SGSM3: variants seen among roughly 807,000 people sequenced by gnomAD.
SGSM3 encodes RUN and SH3 containing 3.
Under a neutral mutation model 100.5 loss-of-function variants are expected in SGSM3, and 96 were observed. That is an observed-to-expected ratio of 0.96 (90% CI 0.81 to 1.13). SGSM3 has a LOEUF of 1.13. Among genes scored for constraint, SGSM3 ranks in the 50% most tolerant of loss-of-function variants. SGSM3 has a pLI of 0.00. For synonymous variants in SGSM3, 483 were observed against 422.8 expected, an observed-to-expected ratio of 1.14 and a Z score of -1.75; for missense variants, 1,001 against 1,015.8, an observed-to-expected ratio of 0.99 and a Z score of 0.20.
At chr22:40,389,085 C>T (rs1377842899) in intron 1 of SGSM3, among the ~76,000 whole-genome samples, 1 of 152,034 alleles carries the variant, frequency 6.6e-6, no homozygotes, top group Non-Finnish European at 1.5e-5. Flanking sequence ...CCAGGAGTTC[C>T]AGGAGAGTGC....
At chr22:40,390,948 G>C (rs2049273321) in intron 1 of SGSM3, among the ~76,000 whole-genome samples, 1 of 152,262 alleles carries the variant, frequency 6.6e-6, no homozygotes, top group South Asian at 2.1e-4. Context: ...GTCAGGCACT[G>C]GGCTAGGTAC....
At chr22:40,403,445 G>A (rs1005816119) in intron 4 of SGSM3, among the ~76,000 whole-genome samples, 2 of 152,190 alleles carry the variant, frequency 1.3e-5, no homozygotes, top group Admixed American at 6.5e-5. Flanking sequence ...GGTCTCAGCT[G>A]CATGGAGTTC....
chr22:40,402,076 T>A, intron 3 of SGSM3, 63 bp from the exon 4 acceptor site: 1 of 1,300,412 alleles, frequency 7.7e-7, no homozygotes, highest in Admixed American at 1.7e-5. Context: ...GGGTGGCATC[T>A]TTCAGACCTG....
rs538442634 is a variant in SGSM3 at position 40,371,560 on chromosome 22, G to A, written c.-112+872G>A. On this transcript the variant is annotated intron_variant, in intron 1 of 21. Coordinates refer to ENST00000248929, the MANE Select transcript of SGSM3 (RefSeq NM_015705.6). ...GTTTTTGTGACAGGTTTGTGATTAG[G>A]TTTATAGGTACATATGTTTCCCGCT... Among the ~76,000 whole-genome samples, 7 of 152,250 alleles carry A rather than the reference G, an allele frequency of 4.6e-5. No homozygotes were observed. The South Asian group carries it at 1.2e-3, about 27-fold the overall frequency.
chr22:40,387,421 A>C, intron 1 of SGSM3: 1 of 382,666 alleles, frequency 2.6e-6, no homozygotes, highest in Non-Finnish European at 4.6e-6. Context: ...TAGTTTGTTG[A>C]CCTGTGTAGT....
chr22:40,375,280 T>A (rs9623170), intron 1 of SGSM3, among the ~76,000 whole-genome samples: 3 of 152,158 alleles, frequency 2.0e-5, no homozygotes, highest in Non-Finnish European at 4.4e-5. Flanking sequence ...GTAACTGATA[T>A]CAGAAATTAG....
intron 1 of SGSM3, among the ~76,000 whole-genome samples, chr22:40,393,361 G>A (rs1041901555): frequency 1.8e-4 from 27 of 152,278 alleles, no homozygotes; most frequent in African/African-American, 6.5e-4. Context: ...CAGGTGATCC[G>A]CCTGCCTTGG....
intron 1 of SGSM3, among the ~76,000 whole-genome samples, chr22:40,385,063 A>G (rs957599101): frequency 6.6e-6 from 1 of 152,224 alleles, no homozygotes; most frequent in Non-Finnish European, 1.5e-5. Context: ...AGAAAAAACA[A>G]TATGGTCTGT....
intron 1 of SGSM3, among the ~76,000 whole-genome samples, chr22:40,378,575 T>TA (rs1053152841): frequency 1.1e-4 from 17 of 150,048 alleles, no homozygotes; most frequent in African/African-American, 4.2e-4. Flanking sequence ...CTACCAAAAA[T>TA]ACAAAAAATT....
Position 40,409,827 on chromosome 22 carries a change from C to A in SGSM3, c.*68C>A. On this transcript the variant is annotated 3_prime_UTR_variant, in exon 22 of 22. Coordinates refer to ENST00000248929, the MANE Select transcript of SGSM3 (RefSeq NM_015705.6). ...GCCCAGGACCCCAAGCTGCAGAGCC[C>A]AGGGAAGAGCAGCTCCAGAGCCCTG... 1.3e-6 allele frequency: 2 copies of A among 1,551,740 alleles called. No individual in the cohort carries two copies. Among genetic ancestry groups the A allele is most frequent in the East Asian group, 4.5e-5 (2 of 44,110 alleles).
At chr22:40,402,093 C>A in intron 3 of SGSM3, 46 bp from the exon 4 acceptor site, 1 of 1,481,100 alleles carries the variant, frequency 6.8e-7, no homozygotes, top group East Asian at 2.3e-5. Context: ...CCTGAGGCCC[C>A]CAACTAGGGG....
intron 1 of SGSM3, among the ~76,000 whole-genome samples, chr22:40,397,216 C>T (rs1231617444): frequency 1.3e-5 from 2 of 152,108 alleles, no homozygotes; most frequent in Non-Finnish European, 2.9e-5. Flanking sequence ...TACTTATATA[C>T]ATTACATACA....
At chr22:40,382,158 T>C (rs1440905441) in intron 1 of SGSM3, among the ~76,000 whole-genome samples, 1 of 152,118 alleles carries the variant, frequency 6.6e-6, no homozygotes, top group Non-Finnish European at 1.5e-5. Context: ...AGTTTAGGAC[T>C]CATCAATCTG....
intron 1 of SGSM3, among the ~76,000 whole-genome samples, chr22:40,398,671 A>G (rs1170588026): frequency 7.1e-6 from 1 of 141,196 alleles, no homozygotes; most frequent in Non-Finnish European, 1.5e-5. Flanking sequence ...GCAATTTAAT[A>G]TGGTTCAACA....
Position 40,408,261 on chromosome 22 carries a change from C to T in SGSM3, c.1630-16C>T, listed in dbSNP as rs556500275. 1.1e-5 allele frequency: 17 copies of T among 1,612,782 alleles called. No individual in the cohort carries two copies. The African/African-American group carries it at 1.9e-4, about 18-fold the overall frequency. On this transcript the variant is annotated splice_polypyrimidine_tract_variant and intron_variant, in intron 15 of 21. Coordinates refer to ENST00000248929, the MANE Select transcript of SGSM3 (RefSeq NM_015705.6). ...GGCGTCAGGCAGGGCTTTCTCAGAC[C>T]CATCCCTCCCATCAGTACTCCATCG...
chr22:40,404,483 T>C (rs764930060), intron 5 of SGSM3, 28 bp downstream of exon 5: 2 of 1,608,686 alleles, frequency 1.2e-6, no homozygotes, highest in Non-Finnish European at 1.7e-6. Flanking sequence ...ACCCACAGGG[T>C]GTTGAGAGGG....
chr22:40,404,706 T>TG (rs774687285), intron 6 of SGSM3, 42 bp downstream of exon 6: 1 of 1,441,310 alleles, frequency 6.9e-7, no homozygotes, highest in African/African-American at 1.4e-5. Context: ...GGAGGCTGTG[T>TG]GGGCTCGCAG....
Position 40,409,474 on chromosome 22 carries a change from C to T in SGSM3, c.2121C>T (p.Cys707=), listed in dbSNP as rs1334884525. The T allele has an allele frequency of 6.3e-7, 1 of 1,581,090 alleles. No homozygotes were observed. The highest frequency in any genetic ancestry group is 8.6e-7 in the Non-Finnish European group (1 of 1,163,588). Residue 707 remains cysteine (C), a synonymous_variant, in exon 21 of 22, where the codon TGC becomes TGT. Transcript: ENST00000248929. ...CCTTCCTCACCTCTAGAGTCCTCTG[C>T]TGCTTTGCCTTCAGCCTCTCCCAGG... The part of the protein sequence containing the change: ...VQIKCELRVL[C]CFAFSLSQDW...
chr22:40,381,829 A>G (rs1310517609), intron 1 of SGSM3, among the ~76,000 whole-genome samples: 1 of 152,182 alleles, frequency 6.6e-6, no homozygotes, highest in Non-Finnish European at 1.5e-5. Flanking sequence ...GCATGGTGGT[A>G]TATGCCTTAG....
Sources: gnomAD v4.1 joint callset for allele counts (sites outside exome capture counted in the v4.1 genomes callset) on GRCh38, gnomAD v4.1.1 for gene constraint, MANE v1.5 for transcripts, NCBI Gene and HGNC (gene_info 2026-07-23, HGNC 2026-07-21) for gene names.